Variants in RARB observed in about 807,000 individuals in gnomAD.
The protein encoded by RARB is retinoic acid receptor beta.
A neutral mutation model predicts 51.9 loss-of-function variants in RARB; 17 were observed. The observed-to-expected ratio is 0.33, with a 90% CI of 0.22 to 0.49. RARB has a LOEUF of 0.49. Ranked by LOEUF, RARB falls within the 20% of genes least tolerant of loss-of-function variation. The pLI is 0.99. For missense variants in RARB, 369 were observed against 550.8 expected (o/e 0.67, Z 3.30); for synonymous variants, 215 against 195.4 (o/e 1.10, Z -0.84).
chr3:25,224,436 G>T (rs1702010615), intron 5 of RARB, among the ~76,000 whole-genome samples: 1 of 152,088 alleles, frequency 6.6e-6, no homozygotes, highest in African/African-American at 2.4e-5. Flanking sequence ...ATTCTGTACT[G>T]GAAGCAGACC....
At chr3:24,929,376 G>A (rs980365038) in intron 2 of RARB, among the ~76,000 whole-genome samples, 1 of 152,072 alleles carries the variant, frequency 6.6e-6, no homozygotes, top group South Asian at 2.1e-4. Flanking sequence ...ACCATGCTCT[G>A]AGAGTAAGCA....
At chr3:25,503,266 G>T (rs572268010) in intron 3 of RARB, among the ~76,000 whole-genome samples, 5 of 152,350 alleles carry the variant, frequency 3.3e-5, no homozygotes, top group Admixed American at 3.3e-4. Context: ...TTATTCCTAT[G>T]TGTGAGATTC....
chr3:25,360,441 G>A (rs577586601), intron 5 of RARB, among the ~76,000 whole-genome samples: 170 of 152,272 alleles, frequency 1.1e-3, no homozygotes, highest in African/African-American at 3.8e-3. Context: ...TTGCCAGTCT[G>A]TGTCTTTTAA....
chr3:25,161,302 C>T (rs1700469662), intron 4 of RARB, among the ~76,000 whole-genome samples: 1 of 151,786 alleles, frequency 6.6e-6, no homozygotes, highest in Admixed American at 6.6e-5. Flanking sequence ...CTGCCTCAGC[C>T]TCCCAAAGTG....
chr3:25,554,643 C>A (rs982729022), intron 3 of RARB, among the ~76,000 whole-genome samples: 13 of 152,198 alleles, frequency 8.5e-5, no homozygotes, highest in African/African-American at 2.9e-4. Flanking sequence ...CTCCAGTAAC[C>A]CTCACAGTGC....
chr3:25,581,349 C>T (rs1701166835), intron 5 of RARB, among the ~76,000 whole-genome samples: 1 of 152,206 alleles, frequency 6.6e-6, no homozygotes, highest in Non-Finnish European at 1.5e-5. Context: ...TCCCCCATCC[C>T]ACTTTCTCCA....
chr3:24,964,783 G>T (rs1036744334), intron 2 of RARB, among the ~76,000 whole-genome samples: 1 of 152,138 alleles, frequency 6.6e-6, no homozygotes, highest in East Asian at 1.9e-4. Context: ...TTCTGCACAT[G>T]CTTATTGACA....
chr3:25,130,976 T>C (rs115450928), intron 3 of RARB, among the ~76,000 whole-genome samples: 1,982 of 30,094 alleles, frequency 0.066, 98 homozygotes, highest in African/African-American at 0.19. Flanking sequence ...CAATATTTAT[T>C]ATTGATAATA....
At chr3:25,347,979 A>G (rs1705445477) in intron 5 of RARB, among the ~76,000 whole-genome samples, 1 of 152,212 alleles carries the variant, frequency 6.6e-6, no homozygotes, top group Admixed American at 6.5e-5. Flanking sequence ...CCTTGAGGGC[A>G]ATACTGGCCC....
intron 3 of RARB, among the ~76,000 whole-genome samples, chr3:25,103,563 A>G (rs1699444020): frequency 6.6e-6 from 1 of 152,216 alleles, no homozygotes; most frequent in Admixed American, 6.5e-5. Flanking sequence ...GAAATCATGA[A>G]AGTTTTGCCC....
At chr3:25,043,164 A>G (rs1289798203) in intron 2 of RARB, among the ~76,000 whole-genome samples, 2 of 152,220 alleles carry the variant, frequency 1.3e-5, no homozygotes, top group Non-Finnish European at 2.9e-5. Flanking sequence ...ATCTTTTTTT[A>G]ATAGTCATAA....
intron 4 of RARB, among the ~76,000 whole-genome samples, chr3:25,142,477 C>A (rs914393475): frequency 3.9e-5 from 6 of 152,208 alleles, no homozygotes; most frequent in Non-Finnish European, 8.8e-5. Flanking sequence ...AAGCTACACC[C>A]TATACTGCTT....
At chr3:25,246,152 G>A (rs1362044681) in intron 5 of RARB, among the ~76,000 whole-genome samples, 1 of 151,940 alleles carries the variant, frequency 6.6e-6, no homozygotes, top group Non-Finnish European at 1.5e-5. Context: ...TTCTTGTGCT[G>A]TGTTTTTCAG....
In RARB at chr3:25,062,512, C is replaced by T. The variant is rs543601705; in HGVS notation, c.-328+2336C>T. Reference sequence around the variant, plus strand: ...CAAGGTTACTTAAGTTCACATGATACATGTTCAAAATGTTCACTGTGTATT... The same window carrying T: ...CAAGGTTACTTAAGTTCACATGATATATGTTCAAAATGTTCACTGTGTATT... On this transcript the variant is annotated intron_variant, in intron 3 of 11. Transcript: ENST00000383772. Among the ~76,000 whole-genome samples, 3 of 151,910 alleles carry T rather than the reference C, an allele frequency of 2.0e-5. No homozygotes were observed. The South Asian group carries it at 6.2e-4, about 31-fold the overall frequency.
intron 2 of RARB, among the ~76,000 whole-genome samples, chr3:24,925,158 C>G (rs1458699202): frequency 6.6e-6 from 1 of 152,022 alleles, no homozygotes; most frequent in Non-Finnish European, 1.5e-5. Context: ...AACTTCACAC[C>G]CTACTTGGCA....
intron 3 of RARB, among the ~76,000 whole-genome samples, chr3:25,100,881 A>C (rs761923644): frequency 4.6e-5 from 7 of 152,196 alleles, no homozygotes; most frequent in Admixed American, 6.5e-5. Context: ...CATTACACTA[A>C]GGTTGACATT....
intron 5 of RARB, among the ~76,000 whole-genome samples, chr3:25,422,381 C>T (rs773474604): frequency 7.2e-4 from 109 of 152,262 alleles, no homozygotes; most frequent in Non-Finnish European, 9.6e-4. Flanking sequence ...ACAAAATTCA[C>T]GTGGAATAGC....
At chr3:24,876,897 G>T (rs1349951546) in intron 2 of RARB, among the ~76,000 whole-genome samples, 1 of 152,102 alleles carries the variant, frequency 6.6e-6, no homozygotes, top group South Asian at 2.1e-4. Flanking sequence ...AACATACTCA[G>T]AAGCAAAACA....
intron 5 of RARB, among the ~76,000 whole-genome samples, chr3:25,317,205 G>C (rs1466456951): frequency 6.6e-6 from 1 of 152,072 alleles, no homozygotes; most frequent in East Asian, 1.9e-4. Context: ...CCTTGTGTCT[G>C]GCACAGGGAA....
Sources: gnomAD v4.1 joint callset for allele counts (sites outside exome capture counted in the v4.1 genomes callset) on GRCh38, gnomAD v4.1.1 for gene constraint, MANE v1.5 for transcripts, NCBI Gene and HGNC (gene_info 2026-07-23, HGNC 2026-07-21) for gene names.